Variants in SPTB observed in about 807,000 individuals in gnomAD.
SPTB encodes the protein spectrin beta chain, erythrocytic.
A neutral mutation model predicts 256.2 loss-of-function variants in SPTB; 45 were observed. The ratio of observed to expected loss-of-function variants is 0.18; its 90% CI spans 0.14 to 0.23. The LOEUF (loss-of-function observed/expected upper bound fraction) is 0.23. SPTB is among the 10% of genes least tolerant of loss of function. SPTB has a pLI of 1.00. For missense variants in SPTB, 2,715 were observed against 3,040.4 expected (o/e 0.89, Z 2.52); for synonymous variants, 1,231 against 1,243.1 (o/e 0.99, Z 0.21).
At chr14:64,782,776 T>G (rs1166984450) in intron 19 of SPTB, among the ~76,000 whole-genome samples, 2 of 147,678 alleles carry the variant, frequency 1.4e-5, no homozygotes, top group African/African-American at 5.1e-5. Context: ...AGAATTGTCT[T>G]GAGACACACA....
In SPTB at chr14:64,847,460, T is replaced by C. The variant is rs1311070948; in HGVS notation, c.-51-24315A>G. On this transcript the variant is annotated intron_variant, in intron 1 of 35. Transcript: ENST00000644917. The surrounding 1 kb of genome is among the most constrained non-coding windows in gnomAD (Gnocchi z 5.9). ...GGAATTGGAGGAGGGGGTAGACGTGTAGGGAAAAGCCTATTTATCTATCCT... is the reference window on the plus strand; with the variant it reads ...GGAATTGGAGGAGGGGGTAGACGTGCAGGGAAAAGCCTATTTATCTATCCT... Among the ~76,000 whole-genome samples the C allele has an allele frequency of 6.6e-6, 1 of 152,170 alleles. No homozygotes were observed. Among genetic ancestry groups the C allele is most frequent in the African/African-American group, 2.4e-5 (1 of 41,428 alleles).
Position 64,866,544 on chromosome 14 carries a change from T to C in SPTB, c.-52+13248A>G, listed in dbSNP as rs1882192222. 6.6e-6 allele frequency among the ~76,000 whole-genome samples: 1 copy of C among 152,106 alleles called. No homozygotes were observed. The highest frequency in any genetic ancestry group is 1.5e-5 in the Non-Finnish European group (1 of 68,006). ...CCACTCACCGCCTCTGGAAGTTAAATACCAGCTCCTATCAGTCACTGGGTG... is the reference window on the plus strand; with the variant it reads ...CCACTCACCGCCTCTGGAAGTTAAACACCAGCTCCTATCAGTCACTGGGTG... On this transcript the variant is annotated intron_variant, in intron 1 of 35. Transcript: ENST00000644917. This position sits in a 1 kb window ranked among gnomAD's most constrained non-coding sequence, Gnocchi z 4.6.
chr14:64,830,304 T>C (rs758179384), intron 1 of SPTB, among the ~76,000 whole-genome samples: 3 of 150,754 alleles, frequency 2.0e-5, no homozygotes, highest in Admixed American at 6.6e-5. Flanking sequence ...ATTATCCTGT[T>C]CCTACAGACC....
intron 7 of SPTB, 129 bp downstream of exon 7, chr14:64,801,156 C>T: frequency 1.3e-6 from 1 of 779,880 alleles, no homozygotes. Flanking sequence ...GCCACTGCCC[C>T]TCACTGTGCC....
Position 64,827,028 on chromosome 14 carries a change from C to T in SPTB, c.-51-3883G>A, listed in dbSNP as rs1002199260. ...TCACATCCGCCTTTGAGGTCCGATG[C>T]TAGGCTCAGAGCCTCAACCTCATGT... On this transcript the variant is annotated intron_variant, in intron 1 of 35. Coordinates refer to ENST00000644917, the MANE Select transcript of SPTB (RefSeq NM_001355436.2). This position sits in a 1 kb window ranked among gnomAD's most constrained non-coding sequence, Gnocchi z 4.6. 3.3e-5 allele frequency among the ~76,000 whole-genome samples: 5 copies of T among 152,190 alleles called. No homozygotes were observed. The highest frequency in any genetic ancestry group is 2.9e-5 in the Non-Finnish European group (2 of 68,028).
intron 3 of SPTB, 89 bp downstream of exon 3, chr14:64,804,850 G>T: frequency 6.5e-7 from 1 of 1,547,502 alleles, no homozygotes; most frequent in Non-Finnish European, 8.9e-7. Context: ...AACTGGGAAG[G>T]CCAGGAGAAC....
At chr14:64,768,871 G>A in intron 29 of SPTB, among the ~76,000 whole-genome samples, 163 bp downstream of exon 29, 1 of 152,194 alleles carries the variant, frequency 6.6e-6, no homozygotes, top group South Asian at 2.1e-4. Flanking sequence ...CCTTCTGCCT[G>A]GACCGCTGAG....
chr14:64,825,181 G>T lies in SPTB; in HGVS notation c.-51-2036C>A, dbSNP rs868407902. Among the ~76,000 whole-genome samples, 1 of 152,112 alleles carries T rather than the reference G, an allele frequency of 6.6e-6. No individual in the cohort carries two copies. Among genetic ancestry groups the T allele is most frequent in the Non-Finnish European group, 1.5e-5 (1 of 68,024 alleles). ...AATCAGAAGGGTTTCAGGAGGGCAGGTGGGGAAAGGACATGGTGCATGGGG... is the reference window on the plus strand; with the variant it reads ...AATCAGAAGGGTTTCAGGAGGGCAGTTGGGGAAAGGACATGGTGCATGGGG... On this transcript the variant is annotated intron_variant, in intron 1 of 35. Transcript: ENST00000644917. The surrounding 1 kb of genome is among the most constrained non-coding windows in gnomAD (Gnocchi z 4.8).
rs991391748 is a variant in SPTB at position 64,827,929 on chromosome 14, G to A, written c.-51-4784C>T. Among the ~76,000 whole-genome samples, 2 of 152,120 alleles carry A rather than the reference G, an allele frequency of 1.3e-5. No homozygotes were observed. Among genetic ancestry groups the A allele is most frequent in the African/African-American group, 4.8e-5 (2 of 41,404 alleles). On this transcript the variant is annotated intron_variant, in intron 1 of 35. Transcript: ENST00000644917. This position sits in a 1 kb window ranked among gnomAD's most constrained non-coding sequence, Gnocchi z 4.6. ...GCCCAGATAAGCATGCCACCTATGG[G>A]TGACCTTTCCAGTCGATGGACACCA...
At chr14:64,828,227 C>T (rs1445538832) in intron 1 of SPTB, among the ~76,000 whole-genome samples, 2 of 152,052 alleles carry the variant, frequency 1.3e-5, no homozygotes, top group Non-Finnish European at 2.9e-5. Flanking sequence ...GCTTTACATG[C>T]CGCAACTTGT....
intron 2 of SPTB, among the ~76,000 whole-genome samples, chr14:64,809,821 C>T (rs1038693457): frequency 2.0e-5 from 3 of 151,966 alleles, no homozygotes; most frequent in South Asian, 2.1e-4. Context: ...AAAATGCATA[C>T]GAAGAAAACC....
At chr14:64,757,207 C>T (rs1003611472) in intron 32 of SPTB, 1 of 152,212 alleles carries the variant, frequency 6.6e-6, no homozygotes, top group Non-Finnish European at 1.5e-5. Context: ...CATGTTTGCC[C>T]CTCTTACCCA....
chr14:64,851,130 G>A (rs2083777710), intron 1 of SPTB, among the ~76,000 whole-genome samples: 1 of 152,094 alleles, frequency 6.6e-6, no homozygotes, highest in East Asian at 1.9e-4. Flanking sequence ...CAGACCCAGT[G>A]AGCAACACAA....
chr14:64,812,130 G>A (rs1376869038), intron 2 of SPTB, among the ~76,000 whole-genome samples: 1 of 152,200 alleles, frequency 6.6e-6, no homozygotes, highest in East Asian at 1.9e-4. Context: ...TGTATTTTTA[G>A]TAGAGACAGT....
chr14:64,789,583 C>G (rs2082635857), intron 15 of SPTB, among the ~76,000 whole-genome samples: 1 of 152,002 alleles, frequency 6.6e-6, no homozygotes, highest in African/African-American at 2.4e-5. Context: ...TGAGCTGAGA[C>G]CTGAATAAAA....
chr14:64,783,950 C>A (rs943703887), intron 19 of SPTB, among the ~76,000 whole-genome samples: 1 of 152,200 alleles, frequency 6.6e-6, no homozygotes, highest in Non-Finnish European at 1.5e-5. Context: ...CAATGGAAAG[C>A]AAACATTAAT....
At chr14:64,787,880 G>A (rs991968238) in intron 15 of SPTB, among the ~76,000 whole-genome samples, 1 of 152,216 alleles carries the variant, frequency 6.6e-6, no homozygotes, top group East Asian at 1.9e-4. Context: ...CAGACCACTA[G>A]GGACACTGCC....
At chr14:64,791,985 G>A (rs2082683065) in intron 14 of SPTB, 129 bp from the exon 15 acceptor site, 1 of 1,284,362 alleles carries the variant, frequency 7.8e-7, no homozygotes, top group African/African-American at 1.5e-5. Context: ...CATTTGCCCA[G>A]GTGAGGCAGG....
intron 28 of SPTB, 133 bp from the exon 29 acceptor site, chr14:64,769,251 T>G: frequency 1.1e-6 from 1 of 913,234 alleles, no homozygotes; most frequent in Non-Finnish European, 1.8e-6. Context: ...CCCAGCTGCT[T>G]GCCAGCTGTG....
Sources: allele counts gnomAD v4.1 joint callset (sites outside exome capture counted in the v4.1 genomes callset), GRCh38; gene constraint gnomAD v4.1.1; non-coding constraint Gnocchi (gnomAD v3.1); transcripts MANE v1.5; gene names NCBI Gene and HGNC (gene_info 2026-07-23, HGNC 2026-07-21).